Variants in NSD2 observed in about 807,000 individuals in gnomAD.
NSD2 encodes nuclear receptor binding SET domain protein 2, also known as histone-lysine N-methyltransferase NSD2.
Under a neutral mutation model 139.0 loss-of-function variants are expected in NSD2, and 12 were observed. The observed-to-expected ratio is 0.09, with a 90% CI of 0.06 to 0.14. The LOEUF is 0.14. Among genes scored for constraint, NSD2 ranks in the 10% least tolerant of loss-of-function variants. The probability of loss-of-function intolerance (pLI) is 1.00; values close to 1 mark genes in which losing one functional copy is unlikely to be tolerated. For synonymous variants in NSD2, 669 were observed against 648.7 expected, an observed-to-expected ratio of 1.03 and a Z score of -0.48; for missense variants, 1,155 against 1,745.0, an observed-to-expected ratio of 0.66 and a Z score of 6.02.
intron 9 of NSD2, chr4:1,945,679 A>G (rs1277805478): frequency 9.4e-7 from 1 of 1,063,270 alleles, no homozygotes; most frequent in Non-Finnish European, 1.1e-6. Flanking sequence ...CAAATGAGGG[A>G]AAAGTCCTTG....
intron 15 of NSD2, among the ~76,000 whole-genome samples, chr4:1,957,717 A>G (rs1462529293): frequency 6.6e-6 from 1 of 152,046 alleles, no homozygotes; most frequent in Non-Finnish European, 1.5e-5. Context: ...TCTTGTAGAG[A>G]GGTGATGGCT....
At chr4:1,913,099 T>C (rs1718891604) in intron 3 of NSD2, among the ~76,000 whole-genome samples, 1 of 152,366 alleles carries the variant, frequency 6.6e-6, no homozygotes, top group African/African-American at 2.4e-5. Context: ...TCTACAATTA[T>C]AACCTAGGAA....
intron 5 of NSD2, among the ~76,000 whole-genome samples, chr4:1,927,954 A>G (rs1721153412): frequency 6.6e-6 from 1 of 151,976 alleles, no homozygotes. Flanking sequence ...CAGTGGTGCA[A>G]TCATAGGTCA....
At chr4:1,966,642 G>C (rs1725917890) in intron 18 of NSD2, among the ~76,000 whole-genome samples, 1 of 146,126 alleles carries the variant, frequency 6.8e-6, no homozygotes, top group African/African-American at 2.5e-5. Context: ...GGGTGACAGA[G>C]CAAGACTCTG....
chr4:1,888,398 G>GC (rs1314041288), intron 1 of NSD2, among the ~76,000 whole-genome samples: 1 of 110,316 alleles, frequency 9.1e-6, no homozygotes, highest in African/African-American at 3.5e-5. Context: ...GGGTGACAGA[G>GC]CGAGATTGCC....
chr4:1,944,459 C>T (rs1723413972), intron 9 of NSD2: 2 of 1,065,290 alleles, frequency 1.9e-6, no homozygotes, highest in Non-Finnish European at 2.3e-6. Context: ...TTTTGTTTGT[C>T]ATACATGGAA....
intron 1 of NSD2, among the ~76,000 whole-genome samples, chr4:1,871,900 G>A (rs1438059114): frequency 6.8e-6 from 1 of 147,386 alleles, no homozygotes; most frequent in African/African-American, 2.4e-5. Flanking sequence ...GCCATGTTGG[G>A]CCCGGCCGGG....
At chr4:1,938,182 G>C (rs1321089900) in intron 7 of NSD2, among the ~76,000 whole-genome samples, 2 of 152,166 alleles carry the variant, frequency 1.3e-5, no homozygotes, top group African/African-American at 4.8e-5. Context: ...CCTCCTGACA[G>C]ATGCGAGAGC....
rs1163300768 is a variant in NSD2 at position 1,974,199 on chromosome 4, T to G, written c.3373-664T>G. ...TTGTTTCTTTGCATCCTTTGCTGGTTTTCGGTTGGGTGAGTCTTTTTTTTT... is the reference window on the plus strand; with the variant it reads ...TTGTTTCTTTGCATCCTTTGCTGGTGTTCGGTTGGGTGAGTCTTTTTTTTT... On this transcript the variant is annotated intron_variant, in intron 18 of 21. Coordinates refer to ENST00000508803, the MANE Select transcript of NSD2 (RefSeq NM_001042424.3). This position sits in a 1 kb window ranked among gnomAD's most constrained non-coding sequence, Gnocchi z 4.0. Among the ~76,000 whole-genome samples the G allele has an allele frequency of 6.6e-6, 1 of 151,938 alleles. No individual in the cohort carries two copies. The highest frequency in any genetic ancestry group is 1.5e-5 in the Non-Finnish European group (1 of 67,954).
intron 1 of NSD2, among the ~76,000 whole-genome samples, chr4:1,875,792 C>T (rs1210576664): frequency 2.6e-5 from 4 of 151,076 alleles, no homozygotes; most frequent in Non-Finnish European, 5.9e-5. Context: ...GCCTGTAGTC[C>T]CAGCTACTCG....
intron 18 of NSD2, among the ~76,000 whole-genome samples, chr4:1,971,332 G>T (rs1181347104): frequency 6.6e-6 from 1 of 152,146 alleles, no homozygotes; most frequent in South Asian, 2.1e-4. Flanking sequence ...CACCACTGGG[G>T]ATGAGATGCA....
intron 1 of NSD2, among the ~76,000 whole-genome samples, chr4:1,886,278 T>C (rs1486742020): frequency 6.6e-6 from 1 of 152,126 alleles, no homozygotes. Flanking sequence ...ATGATCTCAG[T>C]TCACTGCAAC....
chr4:1,945,944 A>G (rs2108920593), intron 9 of NSD2: 2 of 1,054,252 alleles, frequency 1.9e-6, no homozygotes, highest in East Asian at 1.1e-4. Flanking sequence ...TTAAATTTTT[A>G]ATTAATTTCA....
At chr4:1,929,473 G>C (rs1216547070) in intron 5 of NSD2, among the ~76,000 whole-genome samples, 1 of 152,192 alleles carries the variant, frequency 6.6e-6, no homozygotes. Context: ...CAGTAGAGGA[G>C]CCAGCATCAG....
chr4:1,978,552 ACAGTTGT>A, intron 21 of NSD2, 79 bp from the exon 22 acceptor site: 5 of 1,519,660 alleles, frequency 3.3e-6, no homozygotes, highest in Non-Finnish European at 4.5e-6. Flanking sequence ...ATTTGACCTG[ACAGTTGT>A]AAGTCATCTT....
At chr4:1,934,879 ATATAT>A (rs1184071599) in intron 6 of NSD2, among the ~76,000 whole-genome samples, 2 of 34,060 alleles carry the variant, frequency 5.9e-5, no homozygotes, top group African/African-American at 1.8e-4. Flanking sequence ...AAAAAAAAAA[ATATAT>A]ATATATATAT....
In NSD2 at chr4:1,939,711, C is replaced by T. The variant is rs1213997018; in HGVS notation, c.1814C>T (p.Thr605Met). The change falls in exon 9 of 22, where the codon ACG becomes ATG. Residue 605 changes from threonine (T) to methionine (M), a missense_variant. Transcript: ENST00000508803. ...CTGAAGAAGCGAAATCGGGCTTCCACGGCAGCATCTTCAGCTCTTGGGTTT... is the reference window on the plus strand; with the variant it reads ...CTGAAGAAGCGAAATCGGGCTTCCATGGCAGCATCTTCAGCTCTTGGGTTT... Reference protein sequence around the residue: ...KPLKKRNRASTAASSALGFSK... With the variant: ...KPLKKRNRASMAASSALGFSK... The T allele has an allele frequency of 2.5e-6, 4 of 1,614,238 alleles. No homozygotes were observed. Among genetic ancestry groups the T allele is most frequent in the Non-Finnish European group, 3.4e-6 (4 of 1,180,044 alleles).
In NSD2 at chr4:1,901,060, A is replaced by C; in HGVS notation, c.406A>C (p.Lys136Gln). 6.2e-7 allele frequency: 1 copy of C among 1,614,226 alleles called. No individual in the cohort carries two copies. The highest frequency in any genetic ancestry group is 1.1e-5 in the South Asian group (1 of 91,078). The change falls in exon 2 of 22, where the codon AAG becomes CAG. Residue 136 changes from lysine (K) to glutamine (Q), a missense_variant. This residue lies in a region of NSD2 where 246 missense variants were observed against 262.8 expected (regional missense o/e 0.94). Transcript: ENST00000508803. ...AATCACCAAAACATACATGAATGGG[A>C]AGCCTCTCTTTGAATCTTCCATTTG... is the stretch of plus-strand genomic sequence containing the variant. ...LKITKTYMNG[K>Q]PLFESSICGD...
chr4:1,958,419 A>G lies in NSD2; in HGVS notation c.2985+383A>G, dbSNP rs1725045101. ...TGAGCCCCAAACACGTAGATCCTGTACCTCAGAGAGCAAGATGGCGGGGCG... is the reference window on the plus strand; with the variant it reads ...TGAGCCCCAAACACGTAGATCCTGTGCCTCAGAGAGCAAGATGGCGGGGCG... On this transcript the variant is annotated intron_variant, in intron 16 of 21. Coordinates refer to ENST00000508803, the MANE Select transcript of NSD2 (RefSeq NM_001042424.3). This position sits in a 1 kb window ranked among gnomAD's most constrained non-coding sequence, Gnocchi z 4.6. Among the ~76,000 whole-genome samples, 1 of 152,180 alleles carries G rather than the reference A, an allele frequency of 6.6e-6. No homozygotes were observed. The highest frequency in any genetic ancestry group is 6.5e-5 in the Admixed American group (1 of 15,278).
Sources: gnomAD v4.1 joint callset for allele counts (sites outside exome capture counted in the v4.1 genomes callset) on GRCh38, gnomAD v4.1.1 for gene constraint, gnomAD v4.1.1 regional missense constraint, Gnocchi (gnomAD v3.1) non-coding constraint, MANE v1.5 for transcripts, NCBI Gene and HGNC (gene_info 2026-07-23, HGNC 2026-07-21) for gene names.